RBFOX2: variants seen among roughly 807,000 people sequenced by gnomAD.
RBFOX2 encodes RNA binding protein fox-1 homolog 2.
Under a neutral mutation model 49.1 loss-of-function variants are expected in RBFOX2, and 10 were observed. The observed-to-expected ratio is 0.20, with a 90% CI of 0.13 to 0.35. RBFOX2 has a LOEUF of 0.35. Ranked by LOEUF, RBFOX2 falls within the 10% of genes least tolerant of loss-of-function variation. The pLI, the probability that RBFOX2 is intolerant of heterozygous loss-of-function variation, is 1.00. For synonymous variants in RBFOX2, 183 were observed against 187.4 expected, an observed-to-expected ratio of 0.98 and a Z score of 0.19; for missense variants, 323 against 486.9, an observed-to-expected ratio of 0.66 and a Z score of 3.17.
intron 1 of RBFOX2, among the ~76,000 whole-genome samples, chr22:35,918,763 G>A (rs759475788): frequency 7.9e-5 from 12 of 152,052 alleles, no homozygotes; most frequent in South Asian, 2.1e-4. Context: ...GCACGTGTTC[G>A]GGTCAAAAGA....
chr22:35,966,868 AGTGGTGCAATCATAGCTCACT>A (rs2056591040), intron 1 of RBFOX2, among the ~76,000 whole-genome samples: 3 of 152,062 alleles, frequency 2.0e-5, no homozygotes. Flanking sequence ...GCTGGAGTGT[AGTGGTGCAATCATAGCTCACT>A]GCAGCCTTGA....
At chr22:35,965,015 C>A (rs1025876909), upstream of RBFOX2, among the ~76,000 whole-genome samples, 1 of 152,136 alleles carries the variant, frequency 6.6e-6, no homozygotes, top group Admixed American at 6.6e-5. Flanking sequence ...ACACACCAGT[C>A]GATAATCTCA....
rs77119945 is a variant in RBFOX2, at chr22:35,862,758, A to G, written c.-33-52754T>C. The stretch of plus-strand genomic sequence containing the variant: ...TAACTTCTTAGCTGTGTAATTTGAG[A>G]AAAGTTATTTAACACCTCTCTGCCT... On this transcript the variant is annotated intron_variant, in intron 1 of 13. Transcript: ENST00000359369. Among the ~76,000 whole-genome samples the G allele has an allele frequency of 3.3e-3, 503 of 152,292 alleles. 1 individual carries two copies. Among genetic ancestry groups the G allele is most frequent in the African/African-American group, 0.011 (469 of 41,570 alleles).
intron 1 of RBFOX2, among the ~76,000 whole-genome samples, chr22:35,936,149 C>G (rs992327032): frequency 1.1e-4 from 17 of 149,278 alleles, no homozygotes; most frequent in Non-Finnish European, 1.5e-5. Flanking sequence ...GGGGTCAAGG[C>G]TGCAGTGAGC....
At chr22:35,824,157 C>CAA (rs199883624) in intron 1 of RBFOX2, among the ~76,000 whole-genome samples, 9 of 140,998 alleles carry the variant, frequency 6.4e-5, no homozygotes, top group Non-Finnish European at 1.1e-4. Context: ...GACTCCATCT[C>CAA]AAAAAAAAAA....
intron 1 of RBFOX2, among the ~76,000 whole-genome samples, chr22:35,895,841 C>G (rs771472839): frequency 7.2e-5 from 11 of 152,160 alleles, no homozygotes; most frequent in Admixed American, 4.6e-4. Flanking sequence ...GATATAACTA[C>G]GTAAACTGTC....
intron 1 of RBFOX2, among the ~76,000 whole-genome samples, chr22:36,013,021 C>T (rs1013522493): frequency 2.0e-5 from 3 of 152,164 alleles, no homozygotes; most frequent in Non-Finnish European, 4.4e-5. Context: ...GCCTCGGCTT[C>T]CCAAAATGCT....
chr22:35,763,280 G>A (rs976413662), intron 6 of RBFOX2, among the ~76,000 whole-genome samples: 1 of 152,028 alleles, frequency 6.6e-6, no homozygotes, highest in Non-Finnish European at 1.5e-5. Context: ...TCCACATAAT[G>A]GGCAGGCACC....
rs577773707 is a variant in RBFOX2, at chr22:35,946,007, T to A, written c.43-7110A>T. ...ACATTTACCGCTCCCCCCTTTTTTT[T>A]AAATTAAAAATCAGCTGGTATAAGC... is the stretch of plus-strand genomic sequence containing the variant. On this transcript the variant is annotated intron_variant, in intron 1 of 5. Transcript: ENST00000408983. Among the ~76,000 whole-genome samples, 23 of 152,306 alleles carry A rather than the reference T, an allele frequency of 1.5e-4. 1 individual carries two copies. In the South Asian group the frequency reaches 3.5e-3, roughly 23 times the overall value.
At chr22:35,878,418 T>C (rs1461227812) in intron 1 of RBFOX2, among the ~76,000 whole-genome samples, 8 of 151,966 alleles carry the variant, frequency 5.3e-5, no homozygotes, top group Non-Finnish European at 7.4e-5. Flanking sequence ...TAAAATAAAA[T>C]AAAGATACAG....
At chr22:35,928,751 TAAG>T in intron 1 of RBFOX2, among the ~76,000 whole-genome samples, 1 of 152,054 alleles carries the variant, frequency 6.6e-6, no homozygotes, top group South Asian at 2.1e-4. Context: ...TACAACTCAA[TAAG>T]AAGAAAAACC....
chr22:35,883,698 T>C (rs1472777351), intron 1 of RBFOX2, among the ~76,000 whole-genome samples: 1 of 152,232 alleles, frequency 6.6e-6, no homozygotes, highest in Non-Finnish European at 1.5e-5. Flanking sequence ...ATGTTTTGTT[T>C]AGAAGTTTAC....
chr22:35,814,279 T>TATA (rs1356583941), intron 1 of RBFOX2, among the ~76,000 whole-genome samples: 2 of 152,208 alleles, frequency 1.3e-5, no homozygotes, highest in Admixed American at 1.3e-4. Flanking sequence ...AAGCCCTTTA[T>TATA]ATAAAATGGC....
chr22:35,869,121 C>T (rs1337493110), intron 1 of RBFOX2, among the ~76,000 whole-genome samples: 1 of 152,138 alleles, frequency 6.6e-6, no homozygotes, highest in Non-Finnish European at 1.5e-5. Flanking sequence ...CAGGAACCAA[C>T]TGACAAGAAA....
At chr22:35,748,109 G>A (rs996628556) in intron 9 of RBFOX2, 1 of 152,096 alleles carries the variant, frequency 6.6e-6, no homozygotes, top group African/African-American at 2.4e-5. Context: ...TGAAGAAACT[G>A]CATTGTGAGG....
At chr22:35,817,341 A>C (rs1953325356) in intron 1 of RBFOX2, among the ~76,000 whole-genome samples, 1 of 151,968 alleles carries the variant, frequency 6.6e-6, no homozygotes. Context: ...GCCAGGTGTG[A>C]TGGTGCACGT....
intron 1 of RBFOX2, among the ~76,000 whole-genome samples, chr22:36,021,298 T>C (rs934511985): frequency 4.7e-5 from 7 of 150,526 alleles, no homozygotes; most frequent in African/African-American, 1.5e-4. Flanking sequence ...CTGATGTAAA[T>C]GACGAGTTAA....
intron 1 of RBFOX2, chr22:35,995,365 C>A (rs1326642333): frequency 6.6e-6 from 1 of 152,130 alleles, no homozygotes; most frequent in Non-Finnish European, 1.5e-5. Flanking sequence ...AAACCTTCCC[C>A]ATTTAACACA....
rs117636696 is a variant in RBFOX2, at chr22:36,011,467, C to T, written c.186+16773G>A. ...TCTCAGTAGACCAGAATCTTAAGTC[C>T]AGAAAGCTAATAAATAGAAAAAAAT... On this transcript the variant is annotated intron_variant, in intron 1 of 13. Coordinates refer to the RBFOX2 transcript ENST00000438146. 3.3e-3 allele frequency among the ~76,000 whole-genome samples: 495 copies of T among 152,030 alleles called. 1 individual carries two copies. The highest frequency in any genetic ancestry group is 5.8e-3 in the Non-Finnish European group (393 of 67,980).
Sources: gnomAD v4.1 joint callset for allele counts (sites outside exome capture counted in the v4.1 genomes callset) on GRCh38, gnomAD v4.1.1 for gene constraint, MANE v1.5 for transcripts, NCBI Gene and HGNC (gene_info 2026-07-23, HGNC 2026-07-21) for gene names.